Variants in EMP1 observed in about 807,000 individuals in gnomAD.
EMP1 encodes the protein epithelial membrane protein 1.
A neutral mutation model predicts 15.7 loss-of-function variants in EMP1; 5 were observed. The observed-to-expected ratio is 0.32, with a 90% confidence interval of 0.17 to 0.67. EMP1 has a LOEUF of 0.67. Ranked by LOEUF, EMP1 falls within the 30% of genes least tolerant of loss-of-function variation. EMP1 has a pLI of 0.74. For missense variants in EMP1, 166 were observed against 194.2 expected (o/e 0.85, Z 0.86); for synonymous variants, 78 against 76.7 (o/e 1.02, Z -0.09).
At chr12:13,203,833 G>T (rs1408210145) in intron 1 of EMP1, among the ~76,000 whole-genome samples, 1 of 152,224 alleles carries the variant, frequency 6.6e-6, no homozygotes, top group Non-Finnish European at 1.5e-5. Context: ...AAAGTCAGAA[G>T]TTGGTCAGGG....
chr12:13,202,918 C>T (rs568078381), intron 1 of EMP1, among the ~76,000 whole-genome samples: 4 of 152,248 alleles, frequency 2.6e-5, no homozygotes, highest in Non-Finnish European at 5.9e-5. Context: ...AGAGCCCTGC[C>T]TGGAAGGTGC....
chr12:13,200,499 C>T (rs200634367), intron 1 of EMP1, among the ~76,000 whole-genome samples: 1 of 152,150 alleles, frequency 6.6e-6, no homozygotes, highest in Non-Finnish European at 1.5e-5. Context: ...TTCCCAGATC[C>T]GCCCAGGTGA....
chr12:13,212,315 C>A (rs1339776982), intron 2 of EMP1, among the ~76,000 whole-genome samples: 1 of 152,162 alleles, frequency 6.6e-6, no homozygotes, highest in Non-Finnish European at 1.5e-5. Flanking sequence ...GTGCTTTTCT[C>A]AGAAAAAAGC....
Position 13,216,785 on chromosome 12 carries a change from G to GT in EMP1, c.*2101dup, listed in dbSNP as rs1325820390. 2.2e-5 allele frequency: 5 copies of GT among 225,236 alleles called. No homozygotes were observed. The highest frequency in any genetic ancestry group is 9.1e-5 in the African/African-American group (4 of 44,148). 14.0% of individuals were successfully genotyped at this position (225,236 alleles called of 1,614,324 possible). A position where few individuals can be genotyped will look rare whatever the true frequency, so the allele number is the denominator to read the frequency against. ...TTCTGATTCCCTTCATTGTGTGAAT[G>GT]TTTTTTTCTAAAAAAAATGTGGAGA... is the stretch of plus-strand genomic sequence containing the variant. On this transcript the variant is annotated 3_prime_UTR_variant, in exon 5 of 5. Coordinates refer to ENST00000256951, the MANE Select transcript of EMP1 (RefSeq NM_001423.3).
chr12:13,214,463 T>C (rs780590347), intron 4 of EMP1, 71 bp from the exon 5 acceptor site: 277 of 1,575,158 alleles, frequency 1.8e-4, no homozygotes, highest in Non-Finnish European at 2.3e-4. Context: ...AGGATCTTCT[T>C]AAAATTAGTA....
At position 13,213,691 on chromosome 12, in the gene EMP1, G is replaced by A. The variant is rs1864187162; in HGVS notation, c.186G>A (p.Lys62=). 1 of 1,614,042 alleles carries A rather than the reference G, an allele frequency of 6.2e-7. No homozygotes were observed. Among genetic ancestry groups the A allele is most frequent in the African/African-American group, 1.3e-5 (1 of 74,902 alleles). The change falls in exon 4 of 5, where the codon AAG becomes AAA. Residue 62 remains lysine (K), a synonymous_variant. Coordinates refer to ENST00000256951, the MANE Select transcript of EMP1 (RefSeq NM_001423.3). The part of the protein sequence containing the change: ...SLSYASEDAL[K]TVQAFMILSI... ...GTCCTGTGTCTACAGATGCCCTCAA[G>A]ACAGTGCAGGCCTTCATGATTCTCT... is the stretch of plus-strand genomic sequence containing the variant.
In EMP1 at chr12:13,216,434, C is replaced by G. The variant is rs944289503; in HGVS notation, c.*1743C>G. The G allele has an allele frequency of 1.4e-6, 1 of 702,506 alleles. No individual in the cohort carries two copies. The allele number at this position is 702,506 out of a possible 1,614,324, so 43.5% of individuals were successfully genotyped here. Reference sequence around the variant, plus strand: ...GGTTAGAGAGATTGGCCAGCAAAAACTGTGGGAAGATGAACTTTGTCATTA... The same window carrying G: ...GGTTAGAGAGATTGGCCAGCAAAAAGTGTGGGAAGATGAACTTTGTCATTA... On this transcript the variant is annotated 3_prime_UTR_variant, in exon 5 of 5. Transcript: ENST00000256951.
At position 13,218,814 on chromosome 12, in the gene EMP1, A is replaced by C. The variant is rs1864236100; in HGVS notation, c.*4123A>C. On this transcript the variant is annotated 3_prime_UTR_variant, in exon 5 of 5. Transcript: ENST00000256951. ...AGAAAATGAAGCAGACATGTGTCCC[A>C]TCTTCTTCCAGCTTTCAGTCTAGCT... The C allele has an allele frequency of 6.6e-6, 1 of 152,236 alleles. No homozygotes were observed. Among genetic ancestry groups the C allele is most frequent in the South Asian group, 2.1e-4 (1 of 4,828 alleles). The allele number at this position is 152,236 out of a possible 1,614,324, so 9.4% of individuals were successfully genotyped here.
chr12:13,200,449 C>T (rs578076869), intron 1 of EMP1, among the ~76,000 whole-genome samples: 7 of 152,314 alleles, frequency 4.6e-5, no homozygotes, highest in South Asian at 2.1e-4. Context: ...CAGCGTAGAA[C>T]GGGAATTTTC....
intron 1 of EMP1, among the ~76,000 whole-genome samples, chr12:13,203,162 A>G (rs1367616275): frequency 6.6e-6 from 1 of 152,114 alleles, no homozygotes; most frequent in Non-Finnish European, 1.5e-5. Context: ...TGTTGCCGCC[A>G]TCTACTGTTG....
chr12:13,214,186 A>G (rs1864192690), intron 4 of EMP1: 3 of 599,034 alleles, frequency 5.0e-6, no homozygotes, highest in Non-Finnish European at 8.9e-6. Context: ...CTTTCCCAAT[A>G]TACTCGGTTT....
Position 13,211,375 on chromosome 12 carries a change from C to T in EMP1, c.-42-94C>T, listed in dbSNP as rs142168748. On this transcript the variant is annotated intron_variant, in intron 1 of 4. Transcript: ENST00000256951. The surrounding 1 kb of genome is among the most constrained non-coding windows in gnomAD (Gnocchi z 4.7). ...GTGATGGTTTTTAGTGCAGCTCTTCCTCATGTTAGCAGATAGCCCACACGT... is the reference window on the plus strand; with the variant it reads ...GTGATGGTTTTTAGTGCAGCTCTTCTTCATGTTAGCAGATAGCCCACACGT... The T allele has an allele frequency of 5.5e-3, 4,439 of 814,422 alleles. 12 individuals carry two copies. Among genetic ancestry groups the T allele is most frequent in the Non-Finnish European group, 8.0e-3 (3,889 of 488,916 alleles). The allele number at this position is 814,422 out of a possible 1,614,324, so 50.4% of individuals were successfully genotyped here. A position where few individuals can be genotyped will look rare whatever the true frequency, so the allele number is the denominator to read the frequency against.
At chr12:13,213,434 A>C (rs762380725) in intron 2 of EMP1, 45 bp from the exon 3 acceptor site, 1 of 1,552,156 alleles carries the variant, frequency 6.4e-7, no homozygotes, top group African/African-American at 1.4e-5. Context: ...TTTTTAAATC[A>C]GAGGGCCAGC....
In EMP1 at chr12:13,216,141, A is replaced by G. The variant is rs540115112; in HGVS notation, c.*1450A>G. The G allele has an allele frequency of 4.4e-6, 2 of 455,816 alleles. No homozygotes were observed. The highest frequency in any genetic ancestry group is 8.0e-5 in the Admixed American group (2 of 24,918). 28.2% of individuals were successfully genotyped at this position (455,816 alleles called of 1,614,324 possible). The stretch of plus-strand genomic sequence containing the variant: ...TGCCCTGGAGCAGCTATTTTAAGCC[A>G]TCTCAGATTCTGTCTAAAGGGGTTT... On this transcript the variant is annotated 3_prime_UTR_variant, in exon 5 of 5. Coordinates refer to ENST00000256951, the MANE Select transcript of EMP1 (RefSeq NM_001423.3).
intron 1 of EMP1, among the ~76,000 whole-genome samples, chr12:13,202,322 A>C (rs966556451): frequency 2.0e-5 from 3 of 152,160 alleles, no homozygotes; most frequent in African/African-American, 7.2e-5. Flanking sequence ...TTTCCACTAC[A>C]TGTGCCCACC....
intron 1 of EMP1, among the ~76,000 whole-genome samples, chr12:13,206,927 TTGTGTG>T (rs58176335): frequency 0.29 from 42,957 of 148,822 alleles, 6,274 homozygotes; most frequent in Non-Finnish European, 0.34. Context: ...ATTCTTTCAT[TTGTGTG>T]TGTGTGTGTG....
At position 13,214,384 on chromosome 12, in the gene EMP1, A is replaced by G. The variant is rs1282058292; in HGVS notation, c.317-150A>G. On this transcript the variant is annotated intron_variant, in intron 4 of 4. Coordinates refer to ENST00000256951, the MANE Select transcript of EMP1 (RefSeq NM_001423.3). Reference sequence around the variant, plus strand: ...CATACCGTCGAGCTTGGCCCAGGGGACATCCATCAGAACTCCTGTTTAGGG... The same window carrying G: ...CATACCGTCGAGCTTGGCCCAGGGGGCATCCATCAGAACTCCTGTTTAGGG... The G allele has an allele frequency of 2.8e-6, 3 of 1,059,692 alleles. No individual in the cohort carries two copies. The South Asian group carries it at 4.9e-5, about 17-fold the overall frequency. 65.6% of individuals were successfully genotyped at this position (1,059,692 alleles called of 1,614,324 possible).
rs374303236 is a variant in EMP1, at chr12:13,214,626, G to A, written c.409G>A (p.Gly137Ser). The change falls in exon 5 of 5, where the codon GGC becomes AGC. Residue 137 changes from glycine to serine, a missense_variant. Gly to Ser is a moderately conservative substitution (Grantham distance 56, BLOSUM62 0). Coordinates refer to ENST00000256951, the MANE Select transcript of EMP1 (RefSeq NM_001423.3). The part of the protein sequence containing the change: ...QYHHGYSYIL[G>S]WICFCFSFII... ...TCACCACGGCTATTCCTACATCCTGGGCTGGATCTGCTTCTGCTTCAGCTT... is the reference window on the plus strand; with the variant it reads ...TCACCACGGCTATTCCTACATCCTGAGCTGGATCTGCTTCTGCTTCAGCTT... The A allele has an allele frequency of 6.8e-5, 109 of 1,613,736 alleles. No individual in the cohort carries two copies. Among genetic ancestry groups the A allele is most frequent in the Non-Finnish European group, 8.9e-5 (105 of 1,179,988 alleles).
Position 13,215,339 on chromosome 12 carries a change from T to G in EMP1, c.*648T>G, listed in dbSNP as rs926317527. ...GGAGACCTTTTCACAATGGAAAACC[T>G]GGGGGATGGTCAGAGCCCAGTCGAG... is the stretch of plus-strand genomic sequence containing the variant. On this transcript the variant is annotated 3_prime_UTR_variant, in exon 5 of 5. Coordinates refer to ENST00000256951, the MANE Select transcript of EMP1 (RefSeq NM_001423.3). The G allele has an allele frequency of 6.6e-6, 1 of 152,600 alleles. No individual in the cohort carries two copies. Among genetic ancestry groups the G allele is most frequent in the African/African-American group, 2.4e-5 (1 of 41,452 alleles). The allele number at this position is 152,600 out of a possible 1,614,324, so 9.5% of individuals were successfully genotyped here.
Sources: gnomAD v4.1 joint callset for allele counts (sites outside exome capture counted in the v4.1 genomes callset) on GRCh38, gnomAD v4.1.1 for gene constraint, Gnocchi (gnomAD v3.1) non-coding constraint, MANE v1.5 for transcripts, NCBI Gene and HGNC (gene_info 2026-07-23, HGNC 2026-07-21) for gene names.